The following IFNLR1 variants were observed in gnomAD, a reference collection of about 807,000 sequenced individuals.
IFNLR1 encodes the protein CRF2-12.
A neutral mutation model predicts 52.5 loss-of-function variants in IFNLR1; 28 were observed. That is an observed-to-expected ratio of 0.53 (90% CI 0.40 to 0.73). IFNLR1 has a LOEUF of 0.73. IFNLR1 is among the 30% of genes least tolerant of loss of function. The pLI, the probability that IFNLR1 is intolerant of heterozygous loss-of-function variation, is 0.00. For missense variants in IFNLR1, 623 were observed against 659.1 expected, an observed-to-expected ratio of 0.95 and a Z score of 0.60; for synonymous variants, 276 against 274.9, an observed-to-expected ratio of 1.00 and a Z score of -0.04.
chr1:24,171,218 A>G (rs1644575014), intron 2 of IFNLR1, among the ~76,000 whole-genome samples: 1 of 152,158 alleles, frequency 6.6e-6, no homozygotes, highest in Non-Finnish European at 1.5e-5. Flanking sequence ...ATTTTAATAC[A>G]TCTCACCCAG....
At chr1:24,180,604 T>A in intron 2 of IFNLR1, 127 bp downstream of exon 2, 1 of 878,176 alleles carries the variant, frequency 1.1e-6, no homozygotes, top group Non-Finnish European at 1.8e-6. Context: ...CCACATGCCA[T>A]CTCCCGTAGG....
intron 1 of IFNLR1, among the ~76,000 whole-genome samples, chr1:24,181,097 T>C (rs1290849168): frequency 6.6e-6 from 1 of 152,148 alleles, no homozygotes; most frequent in Non-Finnish European, 1.5e-5. Flanking sequence ...AGGAACCTAA[T>C]GGCCTCCAGG....
At chr1:24,159,736 T>G (rs11249012) in intron 4 of IFNLR1, 103 bp from the exon 5 acceptor site, 64,502 of 577,664 alleles carry the variant, frequency 0.11, 28 homozygotes, top group South Asian at 0.14. Flanking sequence ...GTTTTTTTTT[T>G]GTTTTTTTTT....
At chr1:24,169,368 C>T (rs1205101563) in intron 3 of IFNLR1, 49 bp downstream of exon 3, 4 of 1,539,978 alleles carry the variant, frequency 2.6e-6, no homozygotes, top group Admixed American at 3.5e-5. Flanking sequence ...AGCACAGCTC[C>T]CCGATGGGAT....
Position 24,169,450 on chromosome 1 carries a change from C to T in IFNLR1, c.334G>A (p.Val112Met). 1 of 1,614,216 alleles carries T rather than the reference C, an allele frequency of 6.2e-7. No individual in the cohort carries two copies. The highest frequency in any genetic ancestry group is 8.5e-7 in the Non-Finnish European group (1 of 1,180,028). Residue 112 changes from valine (V) to methionine (M), a missense_variant, in exon 3 of 7, where the codon GTG (valine) becomes ATG (methionine). Transcript: ENST00000327535. Reference sequence around the variant, plus strand: ...AGGTAATCCAGGTATTCGGACTCCACCCAGGGGGACTTGGAGCTGGGAGAA... The same window carrying T: ...AGGTAATCCAGGTATTCGGACTCCATCCAGGGGGACTTGGAGCTGGGAGAA... Reference protein sequence around the residue: ...TVSPSSKSPWVESEYLDYLFE... With the variant: ...TVSPSSKSPWMESEYLDYLFE...
intron 4 of IFNLR1, among the ~76,000 whole-genome samples, chr1:24,159,913 T>G (rs1047754047): frequency 4.6e-5 from 7 of 151,942 alleles, no homozygotes; most frequent in Non-Finnish European, 1.0e-4. Context: ...CCTGGGTAAT[T>G]TTTTAAAATT....
intron 1 of IFNLR1, among the ~76,000 whole-genome samples, 184 bp from the exon 2 acceptor site, chr1:24,181,038 G>T (rs1644685802): frequency 6.6e-6 from 1 of 152,112 alleles, no homozygotes; most frequent in Non-Finnish European, 1.5e-5. Context: ...AGGAGGGGAG[G>T]CTCCTGCACA....
chr1:24,157,820 G>T lies in IFNLR1; in HGVS notation c.873C>A (p.Phe291Leu). 16 of 1,613,852 alleles carry T rather than the reference G, an allele frequency of 9.9e-6. No homozygotes were observed. Among genetic ancestry groups the T allele is most frequent in the Non-Finnish European group, 1.3e-5 (15 of 1,179,916 alleles). ...TGGTCAGTTCCTTTTGGGGACAGAG[G>T]AACAAGTCATTCACGGACTCTGGTC... ...PSRPESVNDL[F>L]LCPQKELTRG... is the part of the protein sequence containing the mutation. Residue 291 changes from phenylalanine (F) to leucine (L), a missense_variant, in exon 7 of 7, where the codon TTC (phenylalanine) becomes TTA (leucine). Physicochemically the swap from Phe to Leu is conservative, Grantham distance 22 (BLOSUM62 0). Coordinates refer to ENST00000327535, the MANE Select transcript of IFNLR1 (RefSeq NM_170743.4). The surrounding 1 kb of genome is among the most constrained non-coding windows in gnomAD (Gnocchi z 5.1).
chr1:24,162,944 C>CTTTT, intron 3 of IFNLR1, among the ~76,000 whole-genome samples: 3 of 114,978 alleles, frequency 2.6e-5, no homozygotes, highest in African/African-American at 3.4e-5. Context: ...CTTTCTCTTT[C>CTTTT]TTTCTTCTTT....
intron 3 of IFNLR1, among the ~76,000 whole-genome samples, chr1:24,163,830 CG>C (rs1354297247): frequency 1.3e-5 from 2 of 152,084 alleles, no homozygotes; most frequent in African/African-American, 4.8e-5. Context: ...CTGCCTGCCT[CG>C]GCCTCCCAAA....
At position 24,159,611 on chromosome 1, in the gene IFNLR1, T is replaced by C; in HGVS notation, c.533A>G (p.His178Arg). Residue 178 changes from histidine to arginine, a missense_variant, in exon 5 of 7, where the codon CAT (histidine) becomes CGT (arginine). Transcript: ENST00000327535. ...GNKTLFPVTP[H>R]GQPVQITLQP... ...GAGAGTGATCTGGACTGGCTGGCCA[T>C]GGGGAGTGACTGGAAATAGGGTCTG... 1.9e-6 allele frequency: 3 copies of C among 1,613,812 alleles called. No individual in the cohort carries two copies. The Admixed American group carries it at 5.0e-5, about 27-fold the overall frequency.
intron 3 of IFNLR1, among the ~76,000 whole-genome samples, chr1:24,165,747 A>T (rs1644512407): frequency 6.6e-6 from 1 of 152,196 alleles, no homozygotes; most frequent in African/African-American, 2.4e-5. Context: ...CTTCTTCATG[A>T]TGTCATTACT....
chr1:24,175,884 A>T (rs891797674), intron 2 of IFNLR1, among the ~76,000 whole-genome samples: 5 of 151,050 alleles, frequency 3.3e-5, no homozygotes, highest in African/African-American at 1.2e-4. Context: ...CAGTGAGCCG[A>T]GATCACACCA....
intron 3 of IFNLR1, among the ~76,000 whole-genome samples, chr1:24,168,756 A>G (rs1238315444): frequency 1.3e-5 from 2 of 150,792 alleles, no homozygotes; most frequent in Admixed American, 6.6e-5. Context: ...TTTGTTTATT[A>G]ATTTTTTTCT....
chr1:24,155,801 G>T lies in IFNLR1; in HGVS notation c.*1329C>A, dbSNP rs755752211. ...ATGGCCACAGAGCCAAGGTTGTTCA[G>T]ATACTCCACCACAAAACACTTCGGT... On this transcript the variant is annotated 3_prime_UTR_variant, in exon 7 of 7. Coordinates refer to ENST00000327535, the MANE Select transcript of IFNLR1 (RefSeq NM_170743.4). The T allele has an allele frequency of 4.6e-5, 7 of 152,220 alleles. No individual in the cohort carries two copies. The highest frequency in any genetic ancestry group is 1.0e-4 in the Non-Finnish European group (7 of 68,050). 9.4% of individuals were successfully genotyped at this position (152,220 alleles called of 1,614,324 possible).
intron 4 of IFNLR1, 57 bp downstream of exon 4, chr1:24,161,485 G>C (rs767706471): frequency 7.8e-6 from 12 of 1,547,802 alleles, no homozygotes; most frequent in African/African-American, 1.4e-5. Context: ...AGAAGAACCT[G>C]AGTAAGAAGG....
chr1:24,162,091 G>A (rs760642908), intron 3 of IFNLR1, among the ~76,000 whole-genome samples: 5 of 152,184 alleles, frequency 3.3e-5, no homozygotes, highest in Non-Finnish European at 7.3e-5. Flanking sequence ...TTATCTCACA[G>A]TTCTCTAGGT....
intron 1 of IFNLR1, 120 bp downstream of exon 1, chr1:24,187,071 G>A (rs1385699913): frequency 7.1e-6 from 4 of 561,530 alleles, no homozygotes; most frequent in African/African-American, 2.0e-5. Flanking sequence ...GGGCCGATTC[G>A]CACCCGGCTC....
At chr1:24,180,694 AGTCT>A in intron 2 of IFNLR1, 33 bp downstream of exon 2, 1 of 624,598 alleles carries the variant, frequency 1.6e-6, no homozygotes, top group Non-Finnish European at 2.3e-6. Context: ...CCACCCCCTC[AGTCT>A]TCCCATCCAC....
Sources: allele counts gnomAD v4.1 joint callset (sites outside exome capture counted in the v4.1 genomes callset), GRCh38; gene constraint gnomAD v4.1.1; non-coding constraint Gnocchi (gnomAD v3.1); transcripts MANE v1.5; gene names NCBI Gene and HGNC (gene_info 2026-07-23, HGNC 2026-07-21).